Variants in PALD1 observed in about 807,000 individuals in gnomAD.
PALD1 encodes paladin.
A neutral mutation model predicts 96.0 loss-of-function variants in PALD1; 57 were observed. The ratio of observed to expected loss-of-function variants is 0.59; its 90% CI spans 0.48 to 0.74. The LOEUF (loss-of-function observed/expected upper bound fraction) is 0.74. Among genes scored for constraint, PALD1 ranks in the 30% least tolerant of loss-of-function variants. PALD1 has a pLI of 0.00. For synonymous variants in PALD1, 464 were observed against 473.6 expected (o/e 0.98, Z 0.26); for missense variants, 1,063 against 1,143.7 (o/e 0.93, Z 1.02).
intron 17 of PALD1, among the ~76,000 whole-genome samples, chr10:70,542,857 G>T (rs779635951): frequency 2.0e-5 from 3 of 152,096 alleles, no homozygotes; most frequent in Non-Finnish European, 4.4e-5. Flanking sequence ...GCTGTTTGCC[G>T]CAGTATATGC....
upstream of PALD1, among the ~76,000 whole-genome samples, chr10:70,475,368 G>A (rs955521923): frequency 1.3e-5 from 2 of 152,168 alleles, no homozygotes; most frequent in African/African-American, 4.8e-5. Flanking sequence ...CAGGCGTCAC[G>A]GATGAGTTTG....
chr10:70,546,289 A>G (rs1847361154), intron 17 of PALD1, among the ~76,000 whole-genome samples: 1 of 152,232 alleles, frequency 6.6e-6, no homozygotes, highest in Non-Finnish European at 1.5e-5. Context: ...TCAGCTTAAC[A>G]TTCCATGGGT....
chr10:70,483,586 C>T, intron 1 of PALD1, among the ~76,000 whole-genome samples: 1 of 152,054 alleles, frequency 6.6e-6, no homozygotes, highest in East Asian at 1.9e-4. Flanking sequence ...GGGGTGGGTG[C>T]CCTGAGATGA....
chr10:70,501,265 C>T (rs1846287572), intron 1 of PALD1, among the ~76,000 whole-genome samples: 1 of 152,150 alleles, frequency 6.6e-6, no homozygotes, highest in Non-Finnish European at 1.5e-5. Flanking sequence ...CTGGGGAAAA[C>T]CAGGCCTCAC....
chr10:70,545,970 C>T (rs1847352804), intron 17 of PALD1, among the ~76,000 whole-genome samples: 1 of 152,128 alleles, frequency 6.6e-6, no homozygotes, highest in African/African-American at 2.4e-5. Flanking sequence ...GGCGTGGTGG[C>T]TCATGCCTGT....
chr10:70,480,664 G>C (rs1436992740), intron 1 of PALD1, among the ~76,000 whole-genome samples: 1 of 152,352 alleles, frequency 6.6e-6, no homozygotes, highest in South Asian at 2.1e-4. Flanking sequence ...GCTCATGCTC[G>C]TGGCCTTGGG....
At chr10:70,481,631 G>A (rs1161020583) in intron 1 of PALD1, among the ~76,000 whole-genome samples, 1 of 152,220 alleles carries the variant, frequency 6.6e-6, no homozygotes, top group Non-Finnish European at 1.5e-5. Context: ...TACCAGAATA[G>A]GAGAGGAACT....
intron 10 of PALD1, among the ~76,000 whole-genome samples, chr10:70,535,657 T>G (rs1274619952): frequency 6.9e-6 from 1 of 145,472 alleles, no homozygotes; most frequent in African/African-American, 2.5e-5. Context: ...CCTCCCTTCC[T>G]TCTCCTCCTC....
chr10:70,492,746 C>G (rs975287174), intron 1 of PALD1, among the ~76,000 whole-genome samples: 1 of 152,118 alleles, frequency 6.6e-6, no homozygotes, highest in Non-Finnish European at 1.5e-5. Context: ...TGTGAGCCAC[C>G]ACCTGGCCTT....
chr10:70,532,360 C>G (rs1049768622), intron 5 of PALD1, among the ~76,000 whole-genome samples: 9 of 152,246 alleles, frequency 5.9e-5, no homozygotes, highest in African/African-American at 2.2e-4. Context: ...ACACCTCCCC[C>G]GTCCTGGCAC....
intron 18 of PALD1, among the ~76,000 whole-genome samples, chr10:70,558,766 A>G (rs1000807170): frequency 2.6e-5 from 4 of 152,140 alleles, no homozygotes; most frequent in African/African-American, 9.7e-5. Context: ...TGTAAAAGGT[A>G]AAGAAAGGCA....
chr10:70,538,289 G>A lies in PALD1; in HGVS notation c.1333G>A (p.Ala445Thr), dbSNP rs1847156679. The change falls in exon 12 of 20, where the codon GCC becomes ACC. Residue 445 changes from alanine to threonine, a missense_variant. Physicochemically the swap from Ala to Thr is moderately conservative, Grantham distance 58. Transcript: ENST00000263563. ...NYYLHEQYPL[A>T]FALSFSRWLC... ...CTGCCTCGGGCTGCAGTACCCGCTG[G>A]CCTTTGCCCTCAGTTTCAGCCGCTG... The A allele has an allele frequency of 6.2e-7, 1 of 1,602,594 alleles. No homozygotes were observed. Among genetic ancestry groups the A allele is most frequent in the Non-Finnish European group, 8.5e-7 (1 of 1,179,950 alleles).
At chr10:70,477,503 C>T (rs1449649570), upstream of PALD1, among the ~76,000 whole-genome samples, 1 of 152,144 alleles carries the variant, frequency 6.6e-6, no homozygotes, top group African/African-American at 2.4e-5. Context: ...CCTTGGGTGG[C>T]GCAGGAGCAG....
chr10:70,528,863 A>G (rs1461854323), intron 2 of PALD1, among the ~76,000 whole-genome samples: 6 of 152,204 alleles, frequency 3.9e-5, no homozygotes, highest in Non-Finnish European at 2.9e-5. Flanking sequence ...TCTGGATTTT[A>G]GCCAGGCAGA....
the PALD1 span, among the ~76,000 whole-genome samples, chr10:70,459,698 C>A: frequency 6.6e-6 from 1 of 152,224 alleles, no homozygotes; most frequent in Admixed American, 6.5e-5. Flanking sequence ...ACTCAGCTGT[C>A]CTCATCTGAG....
Position 70,534,755 on chromosome 10 carries a change from C to G in PALD1, c.1139C>G (p.Thr380Ser), listed in dbSNP as rs753977004. 1.9e-6 allele frequency: 3 copies of G among 1,609,950 alleles called. No individual in the cohort carries two copies. The highest frequency in any genetic ancestry group is 2.5e-6 in the Non-Finnish European group (3 of 1,177,772). The stretch of plus-strand genomic sequence containing the variant: ...TGGCACCAGGTGGACAGAGCCATCA[C>G]TGCCTGTGCCGAGTTGCATGACCTG... ...RMVEEVDRAI[T>S]ACAELHDLKE... The change falls in exon 10 of 20, where the codon ACT becomes AGT. Residue 380 changes from threonine (T) to serine (S), a missense_variant. By Grantham distance (58) the Thr-to-Ser change is moderately conservative. Transcript: ENST00000263563.
At chr10:70,555,237 A>G (rs989103051) in intron 18 of PALD1, among the ~76,000 whole-genome samples, 1 of 151,178 alleles carries the variant, frequency 6.6e-6, no homozygotes, top group Non-Finnish European at 1.5e-5. Context: ...GGCCTCCCAC[A>G]GTGCTGGGAT....
intron 1 of PALD1, among the ~76,000 whole-genome samples, chr10:70,514,328 C>T (rs1846579245): frequency 6.6e-6 from 1 of 152,236 alleles, no homozygotes; most frequent in African/African-American, 2.4e-5. Context: ...CAAAGGACTG[C>T]ATTTCCACAC....
intron 1 of PALD1, among the ~76,000 whole-genome samples, chr10:70,499,137 C>T (rs762715264): frequency 5.3e-5 from 8 of 152,134 alleles, no homozygotes; most frequent in South Asian, 2.1e-4. Flanking sequence ...CAGAGAAGTT[C>T]GGTAACTTAG....
Sources: allele counts gnomAD v4.1 joint callset (sites outside exome capture counted in the v4.1 genomes callset), GRCh38; gene constraint gnomAD v4.1.1; transcripts MANE v1.5; gene names NCBI Gene and HGNC (gene_info 2026-07-23, HGNC 2026-07-21).